PLCZ1: variants seen among roughly 807,000 people sequenced by gnomAD.
The protein encoded by PLCZ1 is 1-phosphatidylinositol 4,5-bisphosphate phosphodiesterase zeta-1.
PLCZ1 carries 64 observed loss-of-function variants against 76.8 expected under a neutral mutation model. The ratio of observed to expected loss-of-function variants is 0.83; its 90% CI spans 0.68 to 1.03. PLCZ1 has a LOEUF of 1.03. Among genes scored for constraint, PLCZ1 ranks in the 50% least tolerant of loss-of-function variants. PLCZ1 has a pLI of 0.00. For missense variants in PLCZ1, 751 were observed against 713.7 expected (o/e 1.05, Z -0.60); for synonymous variants, 248 against 230.8 (o/e 1.07, Z -0.68).
At chr12:18,713,502 A>G (rs913141911) in intron 5 of PLCZ1, among the ~76,000 whole-genome samples, 11 of 152,198 alleles carry the variant, frequency 7.2e-5, no homozygotes, top group African/African-American at 2.7e-4. Flanking sequence ...AAGATAAAGC[A>G]TGACAATACT....
chr12:18,728,162 G>A lies in PLCZ1; in HGVS notation c.136-4620C>T, dbSNP rs560646390. ...CAGCAGGCAAATGGTTGTGTGTTAG[G>A]AATAGAGGAAAACAATATGCTATAG... On this transcript the variant is annotated intron_variant, in intron 3 of 14. Coordinates refer to ENST00000266505, the MANE Select transcript of PLCZ1 (RefSeq NM_033123.4). Among the ~76,000 whole-genome samples, 6 of 152,282 alleles carry A rather than the reference G, an allele frequency of 3.9e-5. No individual in the cohort carries two copies. The East Asian group carries it at 1.2e-3, about 29-fold the overall frequency.
intron 5 of PLCZ1, among the ~76,000 whole-genome samples, chr12:18,715,437 TG>T (rs990809472): frequency 1.4e-4 from 21 of 151,640 alleles, no homozygotes; most frequent in Non-Finnish European, 2.7e-4. Context: ...AGTCTCGCTC[TG>T]TCGCCCAGAC....
rs1957877992 is a variant in PLCZ1 at position 18,715,488 on chromosome 12, G to A, written c.570-2502C>T. 4.6e-5 allele frequency among the ~76,000 whole-genome samples: 7 copies of A among 151,126 alleles called. No homozygotes were observed. The South Asian group carries it at 1.3e-3, about 27-fold the overall frequency. Reference sequence around the variant, plus strand: ...GCGATCTCGGCTCACTGCAAGCTCCGCCTCCCGGGTTCACGCCATTCTCCT... The same window carrying A: ...GCGATCTCGGCTCACTGCAAGCTCCACCTCCCGGGTTCACGCCATTCTCCT... On this transcript the variant is annotated intron_variant, in intron 5 of 14. Coordinates refer to ENST00000266505, the MANE Select transcript of PLCZ1 (RefSeq NM_033123.4).
chr12:18,651,420 T>C, the PLCZ1 span, among the ~76,000 whole-genome samples: 2 of 152,188 alleles, frequency 1.3e-5, no homozygotes, highest in African/African-American at 4.8e-5. Context: ...TCTTTGAATA[T>C]TTTATATAAT....
At chr12:18,736,812 T>A in intron 2 of PLCZ1, 1 of 559,284 alleles carries the variant, frequency 1.8e-6, no homozygotes, top group Non-Finnish European at 3.1e-6. Flanking sequence ...TTCTGCTACT[T>A]AGTGTTCAAT....
the PLCZ1 span, among the ~76,000 whole-genome samples, chr12:18,673,632 T>TA: frequency 6.6e-6 from 1 of 152,314 alleles, no homozygotes; most frequent in Admixed American, 6.5e-5. Context: ...TACGCATTAA[T>TA]TATCTCATAG....
chr12:18,650,100 C>T, the PLCZ1 span, among the ~76,000 whole-genome samples: 117,847 of 151,878 alleles, frequency 0.78, 46,184 homozygotes, highest in East Asian at 0.94. Context: ...GAGTAACAAA[C>T]TGCCAACTCA....
At chr12:18,712,071 A>C (rs1226217726) in intron 6 of PLCZ1, among the ~76,000 whole-genome samples, 1 of 152,194 alleles carries the variant, frequency 6.6e-6, no homozygotes, top group Non-Finnish European at 1.5e-5. Flanking sequence ...TTGTAAATTT[A>C]ATGTATTAGG....
the PLCZ1 span, among the ~76,000 whole-genome samples, chr12:18,665,934 C>G: frequency 7.8e-6 from 1 of 128,462 alleles, no homozygotes; most frequent in Non-Finnish European, 1.6e-5. Flanking sequence ...GACTCCATCT[C>G]AAAAAAAAAA....
intron 12 of PLCZ1, among the ~76,000 whole-genome samples, chr12:18,688,511 A>G (rs1026247125): frequency 2.6e-5 from 4 of 151,882 alleles, no homozygotes; most frequent in African/African-American, 9.7e-5. Context: ...CATTTCAGGG[A>G]ATTCAGGTCG....
chr12:18,650,686 GTGTGTGTGTGTGTGTGTGTATATAT>G, the PLCZ1 span, among the ~76,000 whole-genome samples: 1 of 43,998 alleles, frequency 2.3e-5, no homozygotes. Context: ...GTGTGTGTGT[GTGTGTGTGTGTGTGTGTGTATATAT>G]CTATATATAT....
In PLCZ1 at chr12:18,701,694, C is replaced by A. The variant is rs200642156; in HGVS notation, c.947G>T (p.Arg316Leu). 3 of 1,612,150 alleles carry A rather than the reference C, an allele frequency of 1.9e-6. No individual in the cohort carries two copies. Among genetic ancestry groups the A allele is most frequent in the Non-Finnish European group, 2.5e-6 (3 of 1,179,122 alleles). The change falls in exon 8 of 15, where the codon CGT (arginine) becomes CTT (leucine). Residue 316 changes from arginine (R) to leucine (L), a missense_variant and splice_region_variant. By Grantham distance (102) the Arg-to-Leu change is moderately radical (BLOSUM62 -2). Transcript: ENST00000266505. ...ETHERKGSDK[R>L]GDNQDKETGV... ...TTCTTCCCATTCCTCCACCTTACCA[C>A]GCTTATCAGAACCTTTTCTTTCATG...
chr12:18,694,955 G>T lies in PLCZ1; in HGVS notation c.1416C>A (p.Asn472Lys). Residue 472 changes from asparagine (N) to lysine (K), a missense_variant, in exon 12 of 15, where the codon AAC becomes AAA. Physicochemically the swap from Asn to Lys is moderately conservative, Grantham distance 94. Transcript: ENST00000266505. ...GCATACCCTCTTTTATGTTACTTGG[G>T]TTAAAGTATGATTTACTCTCTCTTA... ...HFLRESKSYF[N>K]PSNIKEGMPI... is the part of the protein sequence containing the mutation. 6.2e-7 allele frequency: 1 copy of T among 1,604,532 alleles called. No individual in the cohort carries two copies. Among genetic ancestry groups the T allele is most frequent in the South Asian group, 1.1e-5 (1 of 90,690 alleles).
At chr12:18,659,770 C>A in the PLCZ1 span, among the ~76,000 whole-genome samples, 2 of 151,248 alleles carry the variant, frequency 1.3e-5, no homozygotes, top group Non-Finnish European at 2.9e-5. Flanking sequence ...GTGTGCTGCA[C>A]CCGTTAACTC....
At chr12:18,702,462 T>C (rs1009817464) in intron 7 of PLCZ1, among the ~76,000 whole-genome samples, 11 of 152,212 alleles carry the variant, frequency 7.2e-5, no homozygotes, top group Non-Finnish European at 5.9e-5. Flanking sequence ...GGCTCTGTTA[T>C]ATACAATGCT....
At chr12:18,689,992 T>C (rs1953811986) in intron 12 of PLCZ1, among the ~76,000 whole-genome samples, 1 of 152,136 alleles carries the variant, frequency 6.6e-6, no homozygotes, top group African/African-American at 2.4e-5. Context: ...CCATGCCAGT[T>C]ACACCTCAAC....
At chr12:18,659,371 A>G in the PLCZ1 span, among the ~76,000 whole-genome samples, 1 of 152,158 alleles carries the variant, frequency 6.6e-6, no homozygotes, top group Non-Finnish European at 1.5e-5. Context: ...GAGGATAAAG[A>G]ACTCTTTGTT....
the PLCZ1 span, among the ~76,000 whole-genome samples, chr12:18,652,896 T>C: frequency 0.44 from 66,647 of 151,650 alleles, 14,792 homozygotes; most frequent in Middle Eastern, 0.57. Flanking sequence ...TATACATATA[T>C]ATGTATATGT....
the PLCZ1 span, among the ~76,000 whole-genome samples, chr12:18,650,459 G>GA: frequency 1.4e-5 from 2 of 146,800 alleles, no homozygotes; most frequent in African/African-American, 5.0e-5. Context: ...TCAAATTACT[G>GA]AAAAAATGTA....
Sources: allele counts gnomAD v4.1 joint callset (sites outside exome capture counted in the v4.1 genomes callset), GRCh38; gene constraint gnomAD v4.1.1; transcripts MANE v1.5; gene names NCBI Gene and HGNC (gene_info 2026-07-23, HGNC 2026-07-21).